GANAB: variants seen among roughly 807,000 people sequenced by gnomAD.
The protein encoded by GANAB is neutral alpha-glucosidase AB.
GANAB carries 35 observed loss-of-function variants against 129.9 expected under a neutral mutation model. That is an observed-to-expected ratio of 0.27 (90% CI 0.21 to 0.36). The LOEUF (loss-of-function observed/expected upper bound fraction) is 0.36, where lower values mean the gene tolerates loss of function less well. Among genes scored for constraint, GANAB ranks in the 10% least tolerant of loss-of-function variants. The pLI is 1.00. For synonymous variants in GANAB, 482 were observed against 451.8 expected, an observed-to-expected ratio of 1.07 and a Z score of -0.85; for missense variants, 939 against 1,221.0, an observed-to-expected ratio of 0.77 and a Z score of 3.44.
chr11:62,642,122 G>T (rs762079148), intron 1 of GANAB, among the ~76,000 whole-genome samples: 7 of 152,058 alleles, frequency 4.6e-5, no homozygotes, highest in Non-Finnish European at 8.8e-5. Flanking sequence ...TGAGGCAGGA[G>T]AACTGCTTGA....
rs542351323 is a variant in GANAB at position 62,635,189 on chromosome 11, CT to C, written c.381-190del. 1.6e-3 allele frequency among the ~76,000 whole-genome samples: 230 copies of C among 145,036 alleles called. No homozygotes were observed. The South Asian group carries it at 0.02, about 13-fold the overall frequency. ...ACCCAAGCATATTTATTACTTTTTT[CT>C]TTTTTTTTTTTGAGACGGAGTTTCA... On this transcript the variant is annotated intron_variant, in intron 4 of 23. Transcript: ENST00000356638.
At chr11:62,628,674 G>A (rs1943516703) in intron 17 of GANAB, 95 bp downstream of exon 17, 8 of 1,263,360 alleles carry the variant, frequency 6.3e-6, no homozygotes, top group African/African-American at 1.5e-5. Context: ...TTACAAGGCT[G>A]TAGTGAGTGA....
At chr11:62,629,465 A>G (rs1307553775) in intron 15 of GANAB, 123 bp downstream of exon 15, 1 of 813,750 alleles carries the variant, frequency 1.2e-6, no homozygotes, top group African/African-American at 1.7e-5. Context: ...TTCAAAGCGC[A>G]TAGCTGAGAG....
intron 9 of GANAB, 106 bp from the exon 10 acceptor site, chr11:62,631,289 A>C: frequency 3.7e-6 from 4 of 1,086,410 alleles, no homozygotes; most frequent in Non-Finnish European, 5.3e-6. Flanking sequence ...GAGCTGGCTC[A>C]TGTAAGCTGC....
At position 62,636,943 on chromosome 11, in the gene GANAB, A is replaced by T. The variant is rs377006404; in HGVS notation, c.381-1943T>A. Among the ~76,000 whole-genome samples the T allele has an allele frequency of 5.0e-3, 753 of 151,524 alleles. 4 individuals are homozygous for T. The highest frequency in any genetic ancestry group is 0.027 in the South Asian group (130 of 4,808). On this transcript the variant is annotated intron_variant, in intron 4 of 23. Transcript: ENST00000356638. ...TCTGTCTCAAAAAATATATATATAT[A>T]TATTTTTTTCTGACCTTGGGGTAGA...
chr11:62,626,014 G>A (rs369751066), intron 23 of GANAB, 51 bp downstream of exon 23: 2 of 1,504,868 alleles, frequency 1.3e-6, no homozygotes, highest in Admixed American at 1.7e-5. Flanking sequence ...CCCTAAACCT[G>A]CCCCGGCTTC....
At position 62,636,881 on chromosome 11, in the gene GANAB, C is replaced by T. The variant is rs556222986; in HGVS notation, c.381-1881G>A. On this transcript the variant is annotated intron_variant, in intron 4 of 23. Transcript: ENST00000356638. Reference sequence around the variant, plus strand: ...GGCGGAGGTTGTGGTGAGCCAAGATCGCACTACTGCACTCAGCCTAAGCAA... The same window carrying T: ...GGCGGAGGTTGTGGTGAGCCAAGATTGCACTACTGCACTCAGCCTAAGCAA... Among the ~76,000 whole-genome samples, 521 of 152,134 alleles carry T rather than the reference C, an allele frequency of 3.4e-3. 3 individuals carry two copies. The highest frequency in any genetic ancestry group is 0.011 in the African/African-American group (475 of 41,506).
At chr11:62,638,411 C>T (rs1362122072) in intron 4 of GANAB, among the ~76,000 whole-genome samples, 2 of 152,138 alleles carry the variant, frequency 1.3e-5, no homozygotes, top group African/African-American at 4.8e-5. Context: ...CTCGACCTCC[C>T]AAAGTGCTGG....
Position 62,625,824 on chromosome 11 carries a change from G to A in GANAB, c.2826C>T (p.His942=), listed in dbSNP as rs746240475. 10 of 1,595,550 alleles carry A rather than the reference G, an allele frequency of 6.3e-6. No homozygotes were observed. In the South Asian group the frequency reaches 8.8e-5, roughly 14 times the overall value. Residue 942 remains histidine (H), a synonymous_variant, in exon 24 of 24, where the codon CAC becomes CAT. Coordinates refer to ENST00000356638, the MANE Select transcript of GANAB (RefSeq NM_198334.3). ...CAGAACATCCCTTGGGTTATCGCAGGTGAATACTCCAATCAGATGCCACAT... is the reference window on the plus strand; with the variant it reads ...CAGAACATCCCTTGGGTTATCGCAGATGAATACTCCAATCAGATGCCACAT... ...GINVASDWSI[H]LR
At chr11:62,626,215 G>A in intron 22 of GANAB, 50 bp from the exon 23 acceptor site, 1 of 1,422,256 alleles carries the variant, frequency 7.0e-7, no homozygotes, top group Non-Finnish European at 1.0e-6. Flanking sequence ...TAACAGAACA[G>A]AAGGAAGGAG....
intron 18 of GANAB, 76 bp from the exon 19 acceptor site, chr11:62,627,200 G>A (rs1943434065): frequency 7.0e-7 from 1 of 1,425,892 alleles, no homozygotes; most frequent in Non-Finnish European, 9.9e-7. Flanking sequence ...CCTGCCCTCT[G>A]CACCACCAGC....
intron 22 of GANAB, 52 bp downstream of exon 22, chr11:62,626,283 C>T (rs1382073468): frequency 3.6e-6 from 5 of 1,385,986 alleles, no homozygotes; most frequent in Admixed American, 3.3e-5. Flanking sequence ...GGAGCCCCCA[C>T]AAGGATCAGG....
intron 13 of GANAB, 46 bp downstream of exon 13, chr11:62,630,151 C>T (rs776670239): frequency 1.4e-6 from 2 of 1,446,476 alleles, no homozygotes; most frequent in South Asian, 2.3e-5. Flanking sequence ...TTCAGGGAGG[C>T]AGGTGGAACA....
At chr11:62,626,248 T>C (rs935904904) in intron 22 of GANAB, 83 bp from the exon 23 acceptor site, 3 of 1,352,062 alleles carry the variant, frequency 2.2e-6, no homozygotes, top group African/African-American at 1.4e-5. Context: ...AAGGTCAGAA[T>C]GTGAGAAAAG....
chr11:62,627,292 G>T lies in GANAB; in HGVS notation c.2242C>A (p.Leu748Ile). ...TTFNIDDQYL[L>I]GDALLVHPVS... ...ACCAACTATCCTCATTTCTCACCAA[G>T]CAAGTACTGATCATCTATATTGAAG... The change falls in exon 18 of 24, where the codon CTT (leucine) becomes ATT (isoleucine). Residue 748 changes from leucine to isoleucine, a missense_variant. Transcript: ENST00000356638. The T allele has an allele frequency of 6.4e-7, 1 of 1,566,028 alleles. No homozygotes were observed. The highest frequency in any genetic ancestry group is 8.8e-7 in the Non-Finnish European group (1 of 1,136,154).
Position 62,629,700 on chromosome 11 carries a change from A to G in GANAB, c.1738-16T>C. ...TCGCCATGTGCTGGGTGAGGAGAGA[A>G]GAGACGGGTAGTGAGGAGCAAAAGC... On this transcript the variant is annotated splice_polypyrimidine_tract_variant and intron_variant, in intron 14 of 23. Coordinates refer to ENST00000356638, the MANE Select transcript of GANAB (RefSeq NM_198334.3). 1 of 1,608,396 alleles carries G rather than the reference A, an allele frequency of 6.2e-7. No homozygotes were observed. The highest frequency in any genetic ancestry group is 1.3e-5 in the African/African-American group (1 of 74,938).
chr11:62,628,903 C>G lies in GANAB; in HGVS notation c.2046G>C (p.Gly682=). 1 of 1,614,174 alleles carries G rather than the reference C, an allele frequency of 6.2e-7. No homozygotes were observed. The highest frequency in any genetic ancestry group is 8.5e-7 in the Non-Finnish European group (1 of 1,180,026). Residue 682 remains glycine (G), a synonymous_variant, in exon 17 of 24, where the codon GGG becomes GGC. Transcript: ENST00000356638. The part of the protein sequence containing the change: ...FFRAHAHLDT[G]RREPWLLPSQ... ...ATGGTAACAGCCATGGCTCTCGTCG[C>G]CCAGTGTCCAAGTGGGCATGTGCCC... is the stretch of plus-strand genomic sequence containing the variant.
chr11:62,639,310 C>T, intron 3 of GANAB, 49 bp downstream of exon 3: 1 of 1,341,928 alleles, frequency 7.5e-7, no homozygotes, highest in Non-Finnish European at 1.1e-6. Context: ...CCAAATTACC[C>T]CACAGCCATT....
intron 1 of GANAB, among the ~76,000 whole-genome samples, chr11:62,641,468 CCAT>C (rs1565110962): frequency 2.6e-5 from 4 of 151,988 alleles, no homozygotes. Flanking sequence ...CAAAACACCA[CCAT>C]CACTACCCAA....
Sources: allele counts gnomAD v4.1 joint callset (sites outside exome capture counted in the v4.1 genomes callset), GRCh38; gene constraint gnomAD v4.1.1; transcripts MANE v1.5; gene names NCBI Gene and HGNC (gene_info 2026-07-23, HGNC 2026-07-21).